Variants in SMIM29 observed in about 807,000 individuals in gnomAD.
SMIM29 encodes the protein uncharacterized protein C6orf1.
SMIM29 carries 4 observed loss-of-function variants against 12.9 expected under a neutral mutation model. That is an observed-to-expected ratio of 0.31 (90% CI 0.15 to 0.71). The LOEUF (loss-of-function observed/expected upper bound fraction) is 0.71. Among genes scored for constraint, SMIM29 ranks in the 30% least tolerant of loss-of-function variants. The pLI is 0.70. For missense variants in SMIM29, 122 were observed against 138.1 expected (o/e 0.88, Z 0.58); for synonymous variants, 50 against 52.0 (o/e 0.96, Z 0.17).
rs1174697075 is a variant in SMIM29, at chr6:34,246,730, C to T, written c.*73G>A. The T allele has an allele frequency of 6.2e-7, 1 of 1,613,750 alleles. No homozygotes were observed. The highest frequency in any genetic ancestry group is 8.5e-7 in the Non-Finnish European group (1 of 1,179,964). On this transcript the variant is annotated 3_prime_UTR_variant, in exon 5 of 5. Coordinates refer to ENST00000476320, the MANE Select transcript of SMIM29 (RefSeq NM_001008703.4). ...CCCAGCAGGGGGAGCCAGGTGACAG[C>T]AGGGGAAGCAGATGGCAGGGCCCCA...
At position 34,246,741 on chromosome 6, in the gene SMIM29, G is replaced by A. The variant is rs140185167; in HGVS notation, c.*62C>T. On this transcript the variant is annotated 3_prime_UTR_variant, in exon 5 of 5. Transcript: ENST00000476320. The stretch of plus-strand genomic sequence containing the variant: ...GAGCCAGGTGACAGCAGGGGAAGCA[G>A]ATGGCAGGGCCCCAGGCAGTCCAGG... The A allele has an allele frequency of 9.2e-5, 149 of 1,613,784 alleles. No homozygotes were observed. In the African/African-American group the frequency reaches 1.8e-3, roughly 19 times the overall value.
At chr6:34,248,875 G>A (rs1762908381) in intron 1 of SMIM29, 104 bp downstream of exon 1, 2 of 985,576 alleles carry the variant, frequency 2.0e-6, no homozygotes, top group African/African-American at 1.7e-5. Context: ...GGTGTTGGGG[G>A]ATGCGGATGG....
chr6:34,246,762 C>G lies in SMIM29; in HGVS notation c.*41G>C. On this transcript the variant is annotated 3_prime_UTR_variant, in exon 5 of 5. Transcript: ENST00000476320. ...AGCAGATGGCAGGGCCCCAGGCAGT[C>G]CAGGACCCCAGGCTCTGAAGGGTGG... 6.2e-7 allele frequency: 1 copy of G among 1,613,388 alleles called. No homozygotes were observed. Among genetic ancestry groups the G allele is most frequent in the Non-Finnish European group, 8.5e-7 (1 of 1,179,944 alleles).
chr6:34,246,995 G>T (rs1762813435), intron 4 of SMIM29, 49 bp downstream of exon 4: 1 of 1,613,276 alleles, frequency 6.2e-7, no homozygotes, highest in Non-Finnish European at 8.5e-7. Context: ...CTGGGAACAG[G>T]GCTGACTCCC....
Position 34,246,478 on chromosome 6 carries a change from G to A in SMIM29, c.*325C>T. The A allele has an allele frequency of 6.6e-7, 1 of 1,517,494 alleles. No homozygotes were observed. The highest frequency in any genetic ancestry group is 8.8e-7 in the Non-Finnish European group (1 of 1,134,314). 94.0% of individuals were successfully genotyped at this position (1,517,494 alleles called of 1,614,324 possible). A position where few individuals can be genotyped will look rare whatever the true frequency, so the allele number is the denominator to read the frequency against. ...CACCATGGAAACAACTCCAAAGCCT[G>A]CCTGGGGATTTGTGCCCAAGCCCAG... is the stretch of plus-strand genomic sequence containing the variant. On this transcript the variant is annotated 3_prime_UTR_variant, in exon 5 of 5. Transcript: ENST00000476320.
intron 1 of SMIM29, 161 bp from the exon 2 acceptor site, chr6:34,248,025 T>C: frequency 1.0e-6 from 1 of 985,406 alleles, no homozygotes; most frequent in Non-Finnish European, 1.2e-6. Flanking sequence ...CAGTGAGTCT[T>C]GGCAAATCCT....
intron 2 of SMIM29, 79 bp from the exon 3 acceptor site, chr6:34,247,571 C>G: frequency 3.3e-6 from 5 of 1,524,742 alleles, no homozygotes; most frequent in Non-Finnish European, 4.4e-6. Flanking sequence ...CCTCCACACC[C>G]TTCACTCCCT....
At chr6:34,247,346 A>G in intron 3 of SMIM29, 121 bp downstream of exon 3, 3 of 1,526,086 alleles carry the variant, frequency 2.0e-6, no homozygotes, top group Non-Finnish European at 2.7e-6. Flanking sequence ...GGGGCAGGGA[A>G]AACAAATTTC....
intron 2 of SMIM29, 45 bp from the exon 3 acceptor site, chr6:34,247,537 G>C: frequency 6.4e-7 from 1 of 1,553,832 alleles, no homozygotes; most frequent in South Asian, 1.2e-5. Flanking sequence ...AGCCCAGGAA[G>C]GCCCACAGGC....
intron 1 of SMIM29, chr6:34,248,690 G>A (rs1762900957): frequency 2.7e-5 from 27 of 985,418 alleles, no homozygotes; most frequent in Non-Finnish European, 3.1e-5. Flanking sequence ...ACCTACCCCC[G>A]TGTCCGTAGG....
intron 1 of SMIM29, chr6:34,248,257 TA>T (rs1762887148): frequency 1.0e-6 from 1 of 985,330 alleles, no homozygotes; most frequent in African/African-American, 1.7e-5. Flanking sequence ...AAATGAGGTC[TA>T]AAGGAAGGAC....
At position 34,246,483 on chromosome 6, in the gene SMIM29, G is replaced by C; in HGVS notation, c.*320C>G. Reference sequence around the variant, plus strand: ...TGGAAACAACTCCAAAGCCTGCCTGGGGATTTGTGCCCAAGCCCAGCCCAG... The same window carrying C: ...TGGAAACAACTCCAAAGCCTGCCTGCGGATTTGTGCCCAAGCCCAGCCCAG... On this transcript the variant is annotated 3_prime_UTR_variant, in exon 5 of 5. Coordinates refer to ENST00000476320, the MANE Select transcript of SMIM29 (RefSeq NM_001008703.4). 1.3e-6 allele frequency: 2 copies of C among 1,518,034 alleles called. No homozygotes were observed. The highest frequency in any genetic ancestry group is 2.7e-5 in the South Asian group (2 of 75,292). The allele number at this position is 1,518,034 out of a possible 1,614,324, so 94.0% of individuals were successfully genotyped here. A position where few individuals can be genotyped will look rare whatever the true frequency, so the allele number is the denominator to read the frequency against.
rs368641615 is a variant in SMIM29, at chr6:34,247,176, T to C, written c.138-27A>G. On this transcript the variant is annotated intron_variant, in intron 3 of 4. Coordinates refer to ENST00000476320, the MANE Select transcript of SMIM29 (RefSeq NM_001008703.4). ...TGGGGAGCAGGGGAGGGGACTCAGC[T>C]AGGAGGTCCCCCCAACCCTCATCAA... 1.2e-5 allele frequency: 20 copies of C among 1,612,052 alleles called. No homozygotes were observed. In the African/African-American group the frequency reaches 2.3e-4, roughly 18 times the overall value.
In SMIM29 at chr6:34,246,439, A is replaced by T; in HGVS notation, c.*364T>A. On this transcript the variant is annotated 3_prime_UTR_variant, in exon 5 of 5. Transcript: ENST00000476320. The stretch of plus-strand genomic sequence containing the variant: ...TTACAAAATATATACTGAATACTAT[A>T]CATCTGGCCCCATCACCATGGAAAC... 3.5e-6 allele frequency: 5 copies of T among 1,446,184 alleles called. No individual in the cohort carries two copies. The highest frequency in any genetic ancestry group is 4.6e-6 in the Non-Finnish European group (5 of 1,076,108). The allele number at this position is 1,446,184 out of a possible 1,614,324, so 89.6% of individuals were successfully genotyped here.
At position 34,246,645 on chromosome 6, in the gene SMIM29, T is replaced by G; in HGVS notation, c.*158A>C. On this transcript the variant is annotated 3_prime_UTR_variant, in exon 5 of 5. Transcript: ENST00000476320. ...AGGCCTGGGGGCAGTGAGGTGATGG[T>G]GAGGGCATGGGAAGCAGATGCTGCT... 6.2e-7 allele frequency: 1 copy of G among 1,613,710 alleles called. No homozygotes were observed. Among genetic ancestry groups the G allele is most frequent in the East Asian group, 2.2e-5 (1 of 44,864 alleles).
chr6:34,248,682 C>T (rs758186877), intron 1 of SMIM29: 187 of 985,436 alleles, frequency 1.9e-4, no homozygotes, highest in Non-Finnish European at 2.2e-4. Context: ...TATGAGCGAC[C>T]TACCCCCGTG....
At chr6:34,248,537 C>T in intron 1 of SMIM29, 1 of 985,536 alleles carries the variant, frequency 1.0e-6, no homozygotes, top group Non-Finnish European at 1.2e-6. Flanking sequence ...CCCCTCCTGG[C>T]CTGAGCTGAC....
At chr6:34,248,708 G>T in intron 1 of SMIM29, 2 of 985,542 alleles carry the variant, frequency 2.0e-6, no homozygotes, top group Non-Finnish European at 2.4e-6. Context: ...AGGGCACGGG[G>T]CATCGAGCTT....
chr6:34,248,815 C>G, intron 1 of SMIM29, 164 bp downstream of exon 1: 1 of 985,752 alleles, frequency 1.0e-6, no homozygotes, highest in African/African-American at 1.7e-5. Flanking sequence ...CCAGCAACAG[C>G]GGACAGGAGG....
Sources: allele counts gnomAD v4.1 joint callset, GRCh38; gene constraint gnomAD v4.1.1; transcripts MANE v1.5; gene names NCBI Gene and HGNC (gene_info 2026-07-23, HGNC 2026-07-21).